TMEM131L: variants seen among roughly 807,000 people sequenced by gnomAD.
The protein encoded by TMEM131L is transmembrane 131 like, also known as transmembrane protein 131-like.
Under a neutral mutation model 192.2 loss-of-function variants are expected in TMEM131L, and 54 were observed. The ratio of observed to expected loss-of-function variants is 0.28; its 90% CI spans 0.23 to 0.35. The LOEUF (loss-of-function observed/expected upper bound fraction) is 0.35. TMEM131L is among the 10% of genes least tolerant of loss of function. The pLI is 1.00. For synonymous variants in TMEM131L, 701 were observed against 704.9 expected (o/e 0.99, Z 0.09); for missense variants, 1,888 against 1,972.9 (o/e 0.96, Z 0.82).
At chr4:153,604,807 T>C (rs1732104143) in intron 25 of TMEM131L, among the ~76,000 whole-genome samples, 2 of 152,072 alleles carry the variant, frequency 1.3e-5, no homozygotes. Flanking sequence ...TGGGTTCAAG[T>C]GATTCTCTTG....
rs917616065 is a variant in TMEM131L at position 153,612,609 on chromosome 4, C to T, written c.3567+209C>T. ...TTTTAGAGAAACCAGATAGCTTTTA[C>T]TCTGAAGAGAATCTGTTCTTAAGCA... On this transcript the variant is annotated intron_variant, in intron 26 of 34. Coordinates refer to ENST00000409959, the MANE Select transcript of TMEM131L (RefSeq NM_001131007.2). Among the ~76,000 whole-genome samples the T allele has an allele frequency of 3.9e-5, 6 of 152,134 alleles. No homozygotes were observed. In the South Asian group the frequency reaches 1.2e-3, roughly 31 times the overall value.
chr4:153,538,944 G>C (rs945212962), intron 3 of TMEM131L, among the ~76,000 whole-genome samples: 3 of 152,136 alleles, frequency 2.0e-5, no homozygotes, highest in African/African-American at 7.2e-5. Flanking sequence ...CACCCCATTT[G>C]CTGGAACTTA....
intron 9 of TMEM131L, 76 bp from the exon 10 acceptor site, chr4:153,583,114 A>G (rs1439019683): frequency 1.3e-6 from 1 of 764,536 alleles, no homozygotes; most frequent in Non-Finnish European, 2.4e-6. Context: ...GATTATATGA[A>G]GGTGTGAGAA....
chr4:153,512,901 C>T (rs760994381), intron 3 of TMEM131L, among the ~76,000 whole-genome samples: 3 of 152,188 alleles, frequency 2.0e-5, no homozygotes, highest in African/African-American at 7.2e-5. Flanking sequence ...CATGAGCCAC[C>T]GTGCCCAGCC....
chr4:153,628,969 C>T (rs1056200047), intron 31 of TMEM131L, among the ~76,000 whole-genome samples: 1 of 152,216 alleles, frequency 6.6e-6, no homozygotes, highest in Non-Finnish European at 1.5e-5. Context: ...TCCCTCACCT[C>T]CCTCACAGCC....
At chr4:153,505,926 G>A (rs1733954301) in intron 3 of TMEM131L, among the ~76,000 whole-genome samples, 1 of 152,096 alleles carries the variant, frequency 6.6e-6, no homozygotes, top group Non-Finnish European at 1.5e-5. Flanking sequence ...GGCTTGTTTT[G>A]TGTGTCCAGC....
intron 32 of TMEM131L, chr4:153,633,269 C>T (rs564803351): frequency 7.5e-5 from 12 of 159,832 alleles, no homozygotes; most frequent in Non-Finnish European, 1.1e-4. Context: ...CAGGCTGGAG[C>T]GCAGTGGTGC....
chr4:153,541,575 C>A (rs1417459249), intron 3 of TMEM131L, among the ~76,000 whole-genome samples: 2 of 152,162 alleles, frequency 1.3e-5, no homozygotes, highest in African/African-American at 4.8e-5. Context: ...TGTGGGCCAT[C>A]CACGGGATGA....
At chr4:153,487,131 C>A (rs1732396751) in intron 3 of TMEM131L, among the ~76,000 whole-genome samples, 1 of 152,182 alleles carries the variant, frequency 6.6e-6, no homozygotes, top group African/African-American at 2.4e-5. Flanking sequence ...GATGCACGCT[C>A]AAGTTTGAAA....
At chr4:153,483,618 A>G (rs1033692915) in intron 3 of TMEM131L, among the ~76,000 whole-genome samples, 2 of 152,194 alleles carry the variant, frequency 1.3e-5, no homozygotes, top group Admixed American at 1.3e-4. Context: ...ACTTGAGCCC[A>G]GGAGGTTGAG....
At position 153,562,712 on chromosome 4, in the gene TMEM131L, CT is replaced by C. The variant is rs144524002; in HGVS notation, c.660+4345del. Among the ~76,000 whole-genome samples the C allele has an allele frequency of 6.9e-3, 1,046 of 152,268 alleles. 5 individuals carry two copies. The highest frequency in any genetic ancestry group is 0.011 in the Admixed American group (169 of 15,292). On this transcript the variant is annotated intron_variant, in intron 7 of 34. Coordinates refer to ENST00000409959, the MANE Select transcript of TMEM131L (RefSeq NM_001131007.2). Reference sequence around the variant, plus strand: ...TCCAGTATAGAGCTAGAAAGTATATCTGATAGAAAGCTAAGCAAGAAGGTTT... The same window carrying C: ...TCCAGTATAGAGCTAGAAAGTATATCGATAGAAAGCTAAGCAAGAAGGTTT...
At chr4:153,506,767 C>T (rs1198952795) in intron 3 of TMEM131L, among the ~76,000 whole-genome samples, 8 of 148,888 alleles carry the variant, frequency 5.4e-5, no homozygotes, top group African/African-American at 2.0e-4. Context: ...CGCTTGAATC[C>T]AGGAGGCAGA....
chr4:153,549,276 C>G (rs1737427564), intron 3 of TMEM131L, among the ~76,000 whole-genome samples: 2 of 152,182 alleles, frequency 1.3e-5, no homozygotes, highest in African/African-American at 4.8e-5. Context: ...CAAAAAGATT[C>G]TATTTTGGAA....
chr4:153,628,620 C>T (rs1327281180), intron 31 of TMEM131L, among the ~76,000 whole-genome samples: 1 of 151,466 alleles, frequency 6.6e-6, no homozygotes, highest in Non-Finnish European at 1.5e-5. Flanking sequence ...AACCTAGTGA[C>T]TAGTCCAGTA....
At chr4:153,547,122 CTTATT>C (rs1231297403) in intron 3 of TMEM131L, among the ~76,000 whole-genome samples, 1 of 152,062 alleles carries the variant, frequency 6.6e-6, no homozygotes, top group Non-Finnish European at 1.5e-5. Flanking sequence ...AGAAAAATAA[CTTATT>C]TTATGACTCT....
chr4:153,601,147 C>T (rs926916230), intron 21 of TMEM131L, among the ~76,000 whole-genome samples: 1 of 151,742 alleles, frequency 6.6e-6, no homozygotes, highest in Middle Eastern at 3.4e-3. Context: ...TTTTACATTC[C>T]GAATTCTTCT....
chr4:153,575,369 A>G (rs766561582), intron 7 of TMEM131L, among the ~76,000 whole-genome samples: 7 of 152,000 alleles, frequency 4.6e-5, no homozygotes, highest in Non-Finnish European at 1.0e-4. Context: ...TAACATTTCT[A>G]TTTTCTTGAC....
chr4:153,593,340 G>T (rs376637547), intron 18 of TMEM131L, among the ~76,000 whole-genome samples: 2 of 152,286 alleles, frequency 1.3e-5, no homozygotes, highest in Non-Finnish European at 1.5e-5. Context: ...CATCTTGTGT[G>T]TTGAAGGATG....
chr4:153,527,709 C>T (rs1429710894), intron 3 of TMEM131L, among the ~76,000 whole-genome samples: 1 of 152,106 alleles, frequency 6.6e-6, no homozygotes, highest in Non-Finnish European at 1.5e-5. Flanking sequence ...GTGAAAGGAT[C>T]AGAATTTGGG....
Sources: gnomAD v4.1 joint callset for allele counts (sites outside exome capture counted in the v4.1 genomes callset) on GRCh38, gnomAD v4.1.1 for gene constraint, MANE v1.5 for transcripts, NCBI Gene and HGNC (gene_info 2026-07-23, HGNC 2026-07-21) for gene names.